LUZP2: variants seen among roughly 807,000 people sequenced by gnomAD.
LUZP2 encodes leucine zipper protein 2.
A neutral mutation model predicts 51.6 loss-of-function variants in LUZP2; 52 were observed. The ratio of observed to expected loss-of-function variants is 1.01; its 90% confidence interval spans 0.81 to 1.27. The LOEUF (loss-of-function observed/expected upper bound fraction) is 1.27. Among genes scored for constraint, LUZP2 ranks in the 50% most tolerant of loss-of-function variants. LUZP2 has a pLI of 0.00. For synonymous variants in LUZP2, 154 were observed against 137.3 expected (o/e 1.12, Z -0.85); for missense variants, 436 against 395.4 (o/e 1.10, Z -0.87).
intron 5 of LUZP2, among the ~76,000 whole-genome samples, chr11:24,809,949 CTA>C (rs906771036): frequency 1.1e-4 from 16 of 152,112 alleles, no homozygotes; most frequent in African/African-American, 3.9e-4. Context: ...TATTAAATAA[CTA>C]TCTTATCATA....
intron 1 of LUZP2, among the ~76,000 whole-genome samples, chr11:24,585,051 G>A (rs978794216): frequency 2.6e-5 from 4 of 152,078 alleles, no homozygotes; most frequent in African/African-American, 9.7e-5. Flanking sequence ...ATAGGGCCTG[G>A]GTGTGGAGGT....
At chr11:24,803,470 A>T (rs1396693568) in intron 5 of LUZP2, among the ~76,000 whole-genome samples, 9 of 152,124 alleles carry the variant, frequency 5.9e-5, no homozygotes, top group Admixed American at 5.9e-4. Flanking sequence ...TTCTAAAAAT[A>T]GAATTTCCAA....
intron 5 of LUZP2, among the ~76,000 whole-genome samples, chr11:24,844,013 A>G (rs1851118867): frequency 6.6e-6 from 1 of 152,138 alleles, no homozygotes; most frequent in African/African-American, 2.4e-5. Flanking sequence ...AATACAGTAG[A>G]TTGGTACCAG....
At position 24,781,038 on chromosome 11, in the gene LUZP2, G is replaced by A. The variant is rs186978448; in HGVS notation, c.396+17730G>A. Among the ~76,000 whole-genome samples the A allele has an allele frequency of 1.2e-4, 18 of 152,154 alleles. No homozygotes were observed. In the East Asian group the frequency reaches 3.5e-3, roughly 29 times the overall value. On this transcript the variant is annotated intron_variant, in intron 5 of 11. Transcript: ENST00000336930. The stretch of plus-strand genomic sequence containing the variant: ...TGATGCCAGACTGTCTAACACAAGA[G>A]CTAATATTCTCTCCTTTTAACCAAA...
Position 24,897,602 on chromosome 11 carries a change from A to AC in LUZP2, c.397-8389_397-8388insC, listed in dbSNP as rs774280807. Reference sequence around the variant, plus strand: ...AGACCAGGAACCCACCAGAAGGAAGAAACTCTGACCATGTCCGAACATCAG... The same window carrying AC: ...AGACCAGGAACCCACCAGAAGGAAGACAACTCTGACCATGTCCGAACATCAG... On this transcript the variant is annotated intron_variant, in intron 5 of 11. Coordinates refer to ENST00000336930, the MANE Select transcript of LUZP2 (RefSeq NM_001009909.4). Among the ~76,000 whole-genome samples the AC allele has an allele frequency of 1.1e-4, 16 of 152,282 alleles. No individual in the cohort carries two copies. The East Asian group carries it at 2.3e-3, about 22-fold the overall frequency.
intron 11 of LUZP2, among the ~76,000 whole-genome samples, chr11:25,077,933 C>G (rs1325069780): frequency 6.6e-6 from 1 of 152,126 alleles, no homozygotes; most frequent in African/African-American, 2.4e-5. Context: ...TTTGGCTTGA[C>G]TATATGAGGC....
At chr11:25,070,093 AT>A (rs1859110371) in intron 10 of LUZP2, among the ~76,000 whole-genome samples, 1 of 151,970 alleles carries the variant, frequency 6.6e-6, no homozygotes. Context: ...GACTAAAGAG[AT>A]TAGAAAATAA....
chr11:24,515,126 T>A (rs1022396892), intron 1 of LUZP2, among the ~76,000 whole-genome samples: 17 of 152,172 alleles, frequency 1.1e-4, no homozygotes, highest in African/African-American at 4.1e-4. Flanking sequence ...CATAATAACT[T>A]CTTGGAAATT....
chr11:24,914,925 C>A (rs1853747567), intron 7 of LUZP2, among the ~76,000 whole-genome samples: 1 of 152,104 alleles, frequency 6.6e-6, no homozygotes, highest in Non-Finnish European at 1.5e-5. Flanking sequence ...GACAATGAGA[C>A]AGTTCAGTAA....
chr11:24,597,899 C>A (rs1482873378), intron 1 of LUZP2, among the ~76,000 whole-genome samples: 4 of 152,036 alleles, frequency 2.6e-5, no homozygotes, highest in African/African-American at 9.7e-5. Context: ...GTCAGGAGTT[C>A]AAGACCAGCC....
At chr11:24,945,792 C>T (rs12284247) in intron 7 of LUZP2, among the ~76,000 whole-genome samples, 11,627 of 151,830 alleles carry the variant, frequency 0.077, 1,449 homozygotes, top group African/African-American at 0.26. Flanking sequence ...CTAGTTCTTA[C>T]GATTTTTAAA....
At chr11:25,016,935 ATT>A (rs34563114) in intron 9 of LUZP2, among the ~76,000 whole-genome samples, 8 of 150,176 alleles carry the variant, frequency 5.3e-5, no homozygotes, top group African/African-American at 2.0e-4. Flanking sequence ...TGCCGACATC[ATT>A]TTTTTTTTAC....
chr11:24,963,436 C>G (rs1438601183), intron 7 of LUZP2, among the ~76,000 whole-genome samples: 1 of 152,344 alleles, frequency 6.6e-6, no homozygotes, highest in East Asian at 1.9e-4. Flanking sequence ...AGCTTCCCGG[C>G]TGCTTTGTTT....
intron 4 of LUZP2, among the ~76,000 whole-genome samples, chr11:24,749,471 T>C (rs925176742): frequency 6.6e-6 from 1 of 152,122 alleles, no homozygotes; most frequent in Non-Finnish European, 1.5e-5. Flanking sequence ...TGTGAGGGTG[T>C]TGACAGAGGA....
intron 9 of LUZP2, among the ~76,000 whole-genome samples, chr11:25,028,215 C>G (rs754148491): frequency 2.4e-4 from 36 of 152,106 alleles, no homozygotes; most frequent in Non-Finnish European, 4.6e-4. Context: ...AATAAACATT[C>G]CAGTTATAGT....
chr11:24,615,014 G>T (rs531194458), intron 1 of LUZP2, among the ~76,000 whole-genome samples: 41 of 151,848 alleles, frequency 2.7e-4, no homozygotes, highest in African/African-American at 9.6e-4. Context: ...AAGAAAAAAG[G>T]TTGAAATTTC....
chr11:24,535,697 C>T (rs914546910), intron 1 of LUZP2, among the ~76,000 whole-genome samples: 2 of 124,284 alleles, frequency 1.6e-5, no homozygotes, highest in East Asian at 2.4e-4. Flanking sequence ...TTGAATTCCC[C>T]AAAGACATCC....
At chr11:24,696,300 ATTGAGTC>A (rs1308410670) in intron 1 of LUZP2, among the ~76,000 whole-genome samples, 1 of 152,144 alleles carries the variant, frequency 6.6e-6, no homozygotes, top group Non-Finnish European at 1.5e-5. Flanking sequence ...CTCTGAAGTT[ATTGAGTC>A]ACCAGACAAA....
rs1191887499 is a variant in LUZP2 at position 24,620,167 on chromosome 11, C to T, written c.63-109002C>T. The stretch of plus-strand genomic sequence containing the variant: ...TATCTGTAATTCCACAGAAAACAGT[C>T]AACTGAAATAAATTTTTTAAGATGA... On this transcript the variant is annotated intron_variant, in intron 1 of 11. Coordinates refer to ENST00000336930, the MANE Select transcript of LUZP2 (RefSeq NM_001009909.4). Among the ~76,000 whole-genome samples the T allele has an allele frequency of 3.3e-5, 5 of 152,192 alleles. No homozygotes were observed. The East Asian group carries it at 7.7e-4, about 24-fold the overall frequency.
Sources: allele counts gnomAD v4.1 joint callset (sites outside exome capture counted in the v4.1 genomes callset), GRCh38; gene constraint gnomAD v4.1.1; transcripts MANE v1.5; gene names NCBI Gene and HGNC (gene_info 2026-07-23, HGNC 2026-07-21).